BTBD7: variants seen among roughly 807,000 people sequenced by gnomAD.
BTBD7 encodes the protein BTB domain containing 7, also known as BTB/POZ domain-containing protein 7.
Under a neutral mutation model 99.9 loss-of-function variants are expected in BTBD7, and 38 were observed. The observed-to-expected ratio is 0.38, with a 90% CI of 0.29 to 0.50. The LOEUF is 0.50. Among genes scored for constraint, BTBD7 ranks in the 20% least tolerant of loss-of-function variants. The pLI is 0.93. For synonymous variants in BTBD7, 520 were observed against 511.4 expected (o/e 1.02, Z -0.23); for missense variants, 1,170 against 1,394.6 (o/e 0.84, Z 2.57).
chr14:93,314,311 A>G (rs1306139913), intron 1 of BTBD7, among the ~76,000 whole-genome samples: 1 of 152,216 alleles, frequency 6.6e-6, no homozygotes, highest in Non-Finnish European at 1.5e-5. Context: ...TTAGAAAAAA[A>G]TATTAAATGT....
At chr14:93,276,885 C>G (rs1023786449) in intron 3 of BTBD7, among the ~76,000 whole-genome samples, 2 of 143,360 alleles carry the variant, frequency 1.4e-5, no homozygotes, top group Non-Finnish European at 3.0e-5. Context: ...CACACACACA[C>G]AGATTAATTT....
chr14:93,306,428 C>A (rs1367589658), intron 1 of BTBD7, among the ~76,000 whole-genome samples: 1 of 142,934 alleles, frequency 7.0e-6, no homozygotes, highest in East Asian at 2.0e-4. Context: ...ACAAAACAAC[C>A]TCATCTCTCT....
In BTBD7 at chr14:93,238,542, A is replaced by G. The variant is rs909718232; in HGVS notation, c.*3731T>C. ...AAAGCTGAAAGTCAACCGAACAATG[A>G]AAAAAAGTCAAAGAAGCATTTCCCT... On this transcript the variant is annotated 3_prime_UTR_variant, in exon 11 of 11. Transcript: ENST00000334746. The G allele has an allele frequency of 6.6e-6, 1 of 152,584 alleles. No homozygotes were observed. The highest frequency in any genetic ancestry group is 2.4e-5 in the African/African-American group (1 of 41,456). The allele number at this position is 152,584 out of a possible 1,614,324, so 9.5% of individuals were successfully genotyped here.
chr14:93,285,182 T>A (rs2052763277), intron 3 of BTBD7, among the ~76,000 whole-genome samples: 1 of 152,060 alleles, frequency 6.6e-6, no homozygotes, highest in South Asian at 2.1e-4. Context: ...TGTCAATATG[T>A]AGACAGTGGA....
intron 1 of BTBD7, among the ~76,000 whole-genome samples, chr14:93,314,650 A>T (rs111701177): frequency 1.1e-4 from 17 of 152,272 alleles, no homozygotes; most frequent in African/African-American, 4.1e-4. Context: ...CACTCTGCCC[A>T]GTCTAAATTA....
At chr14:93,295,072 G>T in intron 2 of BTBD7, 135 bp from the exon 3 acceptor site, 1 of 867,108 alleles carries the variant, frequency 1.2e-6, no homozygotes, top group South Asian at 2.1e-5. Context: ...TTTTTATAAA[G>T]GAAGACAAAA....
intron 8 of BTBD7, among the ~76,000 whole-genome samples, chr14:93,248,935 T>C (rs1459378503): frequency 6.6e-6 from 1 of 152,226 alleles, no homozygotes; most frequent in Non-Finnish European, 1.5e-5. Flanking sequence ...TATTCTTGTC[T>C]GAATCTCAGG....
intron 1 of BTBD7, among the ~76,000 whole-genome samples, chr14:93,327,760 A>T (rs571950439): frequency 6.8e-4 from 103 of 152,310 alleles, no homozygotes; most frequent in Middle Eastern, 3.4e-3. Context: ...TCGACACAGT[A>T]CCGGAAGTCC....
At position 93,290,405 on chromosome 14, in the gene BTBD7, G is replaced by A. The variant is rs370806421; in HGVS notation, c.1162+3453C>T. 1.0e-4 allele frequency among the ~76,000 whole-genome samples: 15 copies of A among 150,272 alleles called. No individual in the cohort carries two copies. In the South Asian group the frequency reaches 3.2e-3, roughly 32 times the overall value. On this transcript the variant is annotated intron_variant, in intron 3 of 10. Coordinates refer to ENST00000334746, the MANE Select transcript of BTBD7 (RefSeq NM_001002860.4). The stretch of plus-strand genomic sequence containing the variant: ...TTTATTGTATTTTTAGTAGAGACGG[G>A]GTTTCACCCTGTTAGCCAGGATGGT...
intron 3 of BTBD7, among the ~76,000 whole-genome samples, chr14:93,283,164 G>A (rs144959441): frequency 0.013 from 1,937 of 152,256 alleles, 46 homozygotes; most frequent in African/African-American, 0.044. Context: ...TGAAACCTCT[G>A]CCTCCTGGGC....
intron 5 of BTBD7, among the ~76,000 whole-genome samples, chr14:93,260,958 T>C (rs920850319): frequency 6.6e-6 from 1 of 152,160 alleles, no homozygotes; most frequent in Non-Finnish European, 1.5e-5. Context: ...TAGTGCAATC[T>C]CAGCTCACTG....
intron 1 of BTBD7, among the ~76,000 whole-genome samples, chr14:93,324,421 C>CAAAAAAAAAAAAAAA (rs768532376): frequency 6.7e-5 from 6 of 89,948 alleles, no homozygotes; most frequent in African/African-American, 3.3e-4. Context: ...GACCCTGTCT[C>CAAAAAAAAAAAAAAA]AAAAAAAAAA....
chr14:93,313,777 A>G (rs2053167744), intron 1 of BTBD7, among the ~76,000 whole-genome samples: 2 of 151,960 alleles, frequency 1.3e-5, no homozygotes, highest in Non-Finnish European at 2.9e-5. Flanking sequence ...TCTGTTGTCT[A>G]GGCTAGAGTA....
intron 3 of BTBD7, among the ~76,000 whole-genome samples, chr14:93,274,500 G>A (rs1401222332): frequency 1.3e-5 from 2 of 152,222 alleles, no homozygotes; most frequent in African/African-American, 2.4e-5. Context: ...GGGATGGAAG[G>A]TGGTAGGTAA....
In BTBD7 at chr14:93,260,795, C is replaced by T. The variant is rs188288183; in HGVS notation, c.1447+807G>A. On this transcript the variant is annotated intron_variant, in intron 5 of 10. Coordinates refer to ENST00000334746, the MANE Select transcript of BTBD7 (RefSeq NM_001002860.4). The stretch of plus-strand genomic sequence containing the variant: ...CTCGAACTTCCAACCTCAGGTGATC[C>T]GCCCGCCTCGGCCTCCCAAAGTGCT... Among the ~76,000 whole-genome samples the T allele has an allele frequency of 3.7e-3, 567 of 152,272 alleles. 2 individuals carry two copies. Among genetic ancestry groups the T allele is most frequent in the African/African-American group, 0.013 (534 of 41,562 alleles).
At chr14:93,315,292 C>T (rs2053187283) in intron 1 of BTBD7, among the ~76,000 whole-genome samples, 1 of 152,138 alleles carries the variant, frequency 6.6e-6, no homozygotes, top group South Asian at 2.1e-4. Context: ...ATTTGGTATA[C>T]TAACATTTAA....
chr14:93,331,936 T>G (rs371462964), intron 1 of BTBD7, among the ~76,000 whole-genome samples: 3 of 146,552 alleles, frequency 2.0e-5, no homozygotes, highest in South Asian at 4.2e-4. Flanking sequence ...TAAAAATGTC[T>G]ACTTTCTCAT....
chr14:93,273,196 T>C (rs1403532487), intron 3 of BTBD7, among the ~76,000 whole-genome samples: 1 of 152,156 alleles, frequency 6.6e-6, no homozygotes, highest in Non-Finnish European at 1.5e-5. Flanking sequence ...CAGGAGCAGA[T>C]TAAAATGAGG....
chr14:93,295,255 C>A (rs1174366433), intron 2 of BTBD7, among the ~76,000 whole-genome samples: 1 of 152,180 alleles, frequency 6.6e-6, no homozygotes, highest in South Asian at 2.1e-4. Context: ...GGAGTATAGG[C>A]ATGTGCCACC....
Sources: allele counts gnomAD v4.1 joint callset (sites outside exome capture counted in the v4.1 genomes callset), GRCh38; gene constraint gnomAD v4.1.1; transcripts MANE v1.5; gene names NCBI Gene and HGNC (gene_info 2026-07-23, HGNC 2026-07-21).